ACP3: variants seen among roughly 807,000 people sequenced by gnomAD.
ACP3 encodes the protein acid phosphatase 3, also known as prostatic acid phosphatase.
A neutral mutation model predicts 45.6 loss-of-function variants in ACP3; 38 were observed. That is an observed-to-expected ratio of 0.83 (90% CI 0.64 to 1.09). The LOEUF is 1.09. ACP3 is among the 50% of genes least tolerant of loss of function. ACP3 has a pLI of 0.00. For missense variants in ACP3, 466 were observed against 463.2 expected, an observed-to-expected ratio of 1.01 and a Z score of -0.05; for synonymous variants, 162 against 164.7, an observed-to-expected ratio of 0.98 and a Z score of 0.13.
At chr3:132,343,426 A>G (rs1937573785) in intron 6 of ACP3, among the ~76,000 whole-genome samples, 1 of 152,224 alleles carries the variant, frequency 6.6e-6, no homozygotes, top group Admixed American at 6.5e-5. Context: ...CTACTTTCCC[A>G]GTATTTTCAC....
At chr3:132,351,455 G>T (rs982995448) in intron 8 of ACP3, among the ~76,000 whole-genome samples, 3 of 152,170 alleles carry the variant, frequency 2.0e-5, no homozygotes, top group African/African-American at 7.2e-5. Context: ...ATGACAAAAG[G>T]TTTCTCAGCT....
chr3:132,367,391 T>C (rs541876310), intron 10 of ACP3, among the ~76,000 whole-genome samples: 1 of 152,346 alleles, frequency 6.6e-6, no homozygotes, highest in African/African-American at 2.4e-5. Flanking sequence ...CCATGGACAA[T>C]TGGTAATATA....
At chr3:132,350,762 G>T (rs1252472019) in intron 8 of ACP3, among the ~76,000 whole-genome samples, 1 of 152,210 alleles carries the variant, frequency 6.6e-6, no homozygotes, top group African/African-American at 2.4e-5. Flanking sequence ...AAGAAGCAAG[G>T]AAGCAAGGGA....
At chr3:132,362,594 C>T (rs55797446), downstream of ACP3, among the ~76,000 whole-genome samples, 18,969 of 152,138 alleles carry the variant, frequency 0.12, 1,407 homozygotes, top group Non-Finnish European at 0.18. Flanking sequence ...GTGAATTCTG[C>T]GATGAAGGGC....
intron 5 of ACP3, among the ~76,000 whole-genome samples, chr3:132,338,414 A>G (rs1024867888): frequency 2.6e-5 from 4 of 151,946 alleles, no homozygotes; most frequent in African/African-American, 7.3e-5. Context: ...AATTTATTTA[A>G]CCAGCCCCTA....
At chr3:132,347,844 TACAC>T (rs112045628) in intron 7 of ACP3, among the ~76,000 whole-genome samples, 17 of 145,010 alleles carry the variant, frequency 1.2e-4, no homozygotes, top group East Asian at 1.0e-3. Flanking sequence ...CACACACACA[TACAC>T]ACACACACAC....
At chr3:132,347,832 G>GACACACACACACACAC (rs1267257773) in intron 7 of ACP3, among the ~76,000 whole-genome samples, 21 of 66,518 alleles carry the variant, frequency 3.2e-4, no homozygotes, top group South Asian at 1.2e-3. Flanking sequence ...TGTTCAGTAA[G>GACACACACACACACAC]ACACACACAC....
At chr3:132,337,026 A>T (rs540220232) in intron 4 of ACP3, among the ~76,000 whole-genome samples, 78 of 152,142 alleles carry the variant, frequency 5.1e-4, no homozygotes, top group Non-Finnish European at 9.9e-4. Context: ...GATTTTTTCC[A>T]GAATCAAATT....
intron 10 of ACP3, among the ~76,000 whole-genome samples, chr3:132,367,237 G>A (rs980502106): frequency 6.6e-6 from 1 of 152,152 alleles, no homozygotes; most frequent in Non-Finnish European, 1.5e-5. Flanking sequence ...TGCTAGAAAT[G>A]TTTGCCATAG....
At chr3:132,319,633 T>C (rs1289627011) in intron 1 of ACP3, among the ~76,000 whole-genome samples, 1 of 152,230 alleles carries the variant, frequency 6.6e-6, no homozygotes, top group East Asian at 1.9e-4. Context: ...GTAAAACTTA[T>C]TATTCCTATT....
At chr3:132,319,747 G>T (rs543836688) in intron 1 of ACP3, among the ~76,000 whole-genome samples, 67 of 152,272 alleles carry the variant, frequency 4.4e-4, no homozygotes, top group African/African-American at 1.5e-3. Context: ...TCTGACCCCG[G>T]ATGCCTTTCC....
At chr3:132,343,025 C>G (rs959800772) in intron 6 of ACP3, among the ~76,000 whole-genome samples, 3 of 152,144 alleles carry the variant, frequency 2.0e-5, no homozygotes, top group Admixed American at 2.0e-4. Flanking sequence ...GGGAAAATTA[C>G]CTGATTTCCG....
Position 132,332,233 on chromosome 3 carries a change from T to C in ACP3, c.345T>C (p.Ser115=), listed in dbSNP as rs371774192. ...RSTDVDRTLM[S]AMTNLAALFP... is the part of the protein sequence containing the mutation. ...CAGACGTTGACCGGACTTTGATGAG[T>C]GCTATGACAAACCTGGCAGCCCTGT... Residue 115 remains serine (S), a synonymous_variant, in exon 4 of 10, where the codon AGT becomes AGC. Transcript: ENST00000336375. The C allele has an allele frequency of 1.9e-6, 3 of 1,614,062 alleles. No individual in the cohort carries two copies. The highest frequency in any genetic ancestry group is 1.1e-5 in the South Asian group (1 of 91,076).
chr3:132,317,872 C>T, intron 1 of ACP3, among the ~76,000 whole-genome samples: 1 of 152,292 alleles, frequency 6.6e-6, no homozygotes, highest in African/African-American at 2.4e-5. Flanking sequence ...TTTTGACAGC[C>T]ACACCAGTCC....
At chr3:132,331,309 T>C (rs1302787925) in intron 2 of ACP3, among the ~76,000 whole-genome samples, 8 of 152,238 alleles carry the variant, frequency 5.3e-5, no homozygotes, top group African/African-American at 1.9e-4. Context: ...GTGGGTCTCT[T>C]TGAATGCTCT....
At chr3:132,324,633 AT>A (rs201564093) in intron 1 of ACP3, among the ~76,000 whole-genome samples, 2,697 of 150,706 alleles carry the variant, frequency 0.018, 81 homozygotes, top group African/African-American at 0.06. Context: ...AGGAATTATT[AT>A]TTTTTTTTAT....
rs764035567 is a variant in ACP3, at chr3:132,317,474, C to T, written c.18C>T (p.Leu6=). MRAAP[L]LLARAASLSL... is the part of the protein sequence containing the mutation. ...TCCTCAACATGAGAGCTGCACCCCTCCTCCTGGCCAGGGCAGCAAGCCTTA... is the reference window on the plus strand; with the variant it reads ...TCCTCAACATGAGAGCTGCACCCCTTCTCCTGGCCAGGGCAGCAAGCCTTA... Residue 6 remains leucine (L), a synonymous_variant, in exon 1 of 10, where the codon CTC becomes CTT. Transcript: ENST00000336375. The T allele has an allele frequency of 6.2e-7, 1 of 1,613,408 alleles. No homozygotes were observed.
chr3:132,364,033 C>G (rs1313731011), intron 10 of ACP3, among the ~76,000 whole-genome samples: 1 of 151,720 alleles, frequency 6.6e-6, no homozygotes, highest in African/African-American at 2.4e-5. Flanking sequence ...TGCCCCACGT[C>G]AAACCAAGCA....
chr3:132,355,012 A>T (rs1937847329), intron 9 of ACP3, among the ~76,000 whole-genome samples: 1 of 152,206 alleles, frequency 6.6e-6, no homozygotes, highest in Non-Finnish European at 1.5e-5. Context: ...ATGAAAATTA[A>T]TTTCACACTT....
Sources: gnomAD v4.1 joint callset for allele counts (sites outside exome capture counted in the v4.1 genomes callset) on GRCh38, gnomAD v4.1.1 for gene constraint, MANE v1.5 for transcripts, NCBI Gene and HGNC (gene_info 2026-07-23, HGNC 2026-07-21) for gene names.